Variants in LRP1B observed in about 807,000 individuals in gnomAD.
LRP1B encodes LDL receptor related protein 1B.
Under a neutral mutation model 556.6 loss-of-function variants are expected in LRP1B, and 217 were observed. That is an observed-to-expected ratio of 0.39 (90% CI 0.35 to 0.44). LRP1B has a LOEUF of 0.44. Ranked by LOEUF, LRP1B falls within the 20% of genes least tolerant of loss-of-function variation. The probability of loss-of-function intolerance (pLI) is 1.00; values close to 1 mark genes in which losing one functional copy is unlikely to be tolerated. For synonymous variants in LRP1B, 2,047 were observed against 1,865.8 expected, an observed-to-expected ratio of 1.10 and a Z score of -2.50; for missense variants, 5,053 against 5,620.8, an observed-to-expected ratio of 0.90 and a Z score of 3.23.
intron 29 of LRP1B, among the ~76,000 whole-genome samples, chr2:140,842,201 A>ATT (rs1323321249): frequency 6.6e-6 from 1 of 152,166 alleles, no homozygotes; most frequent in Admixed American, 6.6e-5. Context: ...AGAAAGCTAG[A>ATT]TTTTTTAATG....
At chr2:140,952,946 A>C (rs1444156886) in intron 18 of LRP1B, among the ~76,000 whole-genome samples, 1 of 152,214 alleles carries the variant, frequency 6.6e-6, no homozygotes, top group African/African-American at 2.4e-5. Flanking sequence ...TATGGATAGC[A>C]TTACAAATCT....
intron 7 of LRP1B, among the ~76,000 whole-genome samples, chr2:141,131,922 T>C (rs112453013): frequency 0.042 from 6,335 of 151,974 alleles, 230 homozygotes; most frequent in African/African-American, 0.097. Context: ...TATGAGATTT[T>C]GGTGTACCCA....
At chr2:140,459,517 TAA>T (rs1336796346) in intron 60 of LRP1B, among the ~76,000 whole-genome samples, 2 of 152,126 alleles carry the variant, frequency 1.3e-5, no homozygotes, top group African/African-American at 4.8e-5. Context: ...GTAAGAAAAA[TAA>T]AGTTATTGTA....
intron 1 of LRP1B, among the ~76,000 whole-genome samples, chr2:141,918,830 A>G (rs927834825): frequency 1.3e-5 from 2 of 152,152 alleles, no homozygotes; most frequent in African/African-American, 4.8e-5. Context: ...TGAATTAGCT[A>G]TGACAAATCT....
At chr2:140,980,784 A>T (rs1343016436) in intron 18 of LRP1B, among the ~76,000 whole-genome samples, 1 of 152,226 alleles carries the variant, frequency 6.6e-6, no homozygotes, top group African/African-American at 2.4e-5. Flanking sequence ...AAAAAGACAC[A>T]TGCACACACA....
chr2:141,285,165 T>G (rs930157324), intron 3 of LRP1B, among the ~76,000 whole-genome samples: 1 of 151,326 alleles, frequency 6.6e-6, no homozygotes, highest in African/African-American at 2.4e-5. Flanking sequence ...TGGTGCAATC[T>G]TGGCTCACTG....
intron 1 of LRP1B, among the ~76,000 whole-genome samples, chr2:142,045,687 G>T (rs1023335671): frequency 2.0e-5 from 3 of 151,746 alleles, no homozygotes; most frequent in Admixed American, 1.3e-4. Flanking sequence ...TACTTTGTTT[G>T]CTATACATTC....
At chr2:140,979,484 T>A (rs1228256187) in intron 18 of LRP1B, among the ~76,000 whole-genome samples, 2 of 152,184 alleles carry the variant, frequency 1.3e-5, no homozygotes, top group Non-Finnish European at 2.9e-5. Context: ...ATCTGAATAG[T>A]GGAAATAATA....
In LRP1B at chr2:140,702,416, A is replaced by C. The variant is rs745970164; in HGVS notation, c.6150+11T>G. The C allele has an allele frequency of 6.2e-7, 1 of 1,612,596 alleles. No homozygotes were observed. The highest frequency in any genetic ancestry group is 8.5e-7 in the Non-Finnish European group (1 of 1,179,384). Reference sequence around the variant, plus strand: ...AAGGCACTTTAAATACTGAAAAGAAATCCAACAGACCTCATAGTCGATGGA... The same window carrying C: ...AAGGCACTTTAAATACTGAAAAGAACTCCAACAGACCTCATAGTCGATGGA... On this transcript the variant is annotated intron_variant, in intron 38 of 90. Transcript: ENST00000389484.
intron 20 of LRP1B, among the ~76,000 whole-genome samples, chr2:140,924,596 A>T (rs928212987): frequency 6.6e-6 from 1 of 152,090 alleles, no homozygotes; most frequent in Non-Finnish European, 1.5e-5. Flanking sequence ...ATTGGTCAAA[A>T]ACATGAATTG....
chr2:141,695,777 A>G (rs949676284), intron 2 of LRP1B, among the ~76,000 whole-genome samples: 1 of 151,986 alleles, frequency 6.6e-6, no homozygotes, highest in African/African-American at 2.4e-5. Context: ...GCCCAGGGCC[A>G]AGTTTGGCTG....
intron 66 of LRP1B, among the ~76,000 whole-genome samples, chr2:140,427,683 A>G (rs996644563): frequency 1.1e-4 from 17 of 152,022 alleles, no homozygotes; most frequent in African/African-American, 3.4e-4. Flanking sequence ...TCTGTTCCCA[A>G]TGCAACTGGT....
At chr2:141,983,040 G>C (rs1559002281) in intron 1 of LRP1B, among the ~76,000 whole-genome samples, 1 of 152,056 alleles carries the variant, frequency 6.6e-6, no homozygotes, top group Non-Finnish European at 1.5e-5. Context: ...TAGTGTTCTA[G>C]AACAGGAAAG....
intron 2 of LRP1B, among the ~76,000 whole-genome samples, chr2:141,510,195 G>GACAGAC (rs751418206): frequency 1.1e-5 from 1 of 95,110 alleles, no homozygotes; most frequent in Non-Finnish European, 2.0e-5. Flanking sequence ...CGGCAATACA[G>GACAGAC]ACACACACAC....
At chr2:140,372,867 T>C in intron 69 of LRP1B, 141 bp downstream of exon 69, 1 of 833,060 alleles carries the variant, frequency 1.2e-6, no homozygotes, top group Non-Finnish European at 1.9e-6. Flanking sequence ...CTAATTAATT[T>C]ATCCACAGAT....
chr2:140,577,421 AT>A (rs35836885), intron 43 of LRP1B, among the ~76,000 whole-genome samples: 54,902 of 144,392 alleles, frequency 0.38, 10,635 homozygotes, highest in South Asian at 0.49. Flanking sequence ...CCACTACTGA[AT>A]TTTTTTTTTT....
chr2:141,673,155 A>G (rs1033970736), intron 2 of LRP1B, among the ~76,000 whole-genome samples: 1 of 152,236 alleles, frequency 6.6e-6, no homozygotes, highest in African/African-American at 2.4e-5. Flanking sequence ...AAGAAATCTT[A>G]GAAGTAATTT....
chr2:141,550,439 T>A (rs950609688), intron 2 of LRP1B, among the ~76,000 whole-genome samples: 1 of 152,088 alleles, frequency 6.6e-6, no homozygotes, highest in Non-Finnish European at 1.5e-5. Flanking sequence ...TTTAGCTCCT[T>A]CAGGAAAAAA....
intron 51 of LRP1B, among the ~76,000 whole-genome samples, chr2:140,510,697 T>C (rs1426180936): frequency 4.6e-5 from 7 of 152,224 alleles, no homozygotes. Context: ...AAAGTATAAA[T>C]GCATGCACGT....
Sources: gnomAD v4.1 joint callset for allele counts (sites outside exome capture counted in the v4.1 genomes callset) on GRCh38, gnomAD v4.1.1 for gene constraint, MANE v1.5 for transcripts, NCBI Gene and HGNC (gene_info 2026-07-23, HGNC 2026-07-21) for gene names.